ARHGAP35: variants seen among roughly 807,000 people sequenced by gnomAD.
The protein encoded by ARHGAP35 is rho GTPase-activating protein 35.
ARHGAP35 carries 15 observed loss-of-function variants against 111.1 expected under a neutral mutation model. That is an observed-to-expected ratio of 0.13 (90% CI 0.09 to 0.21). The LOEUF (loss-of-function observed/expected upper bound fraction) is 0.21. ARHGAP35 is among the 10% of genes least tolerant of loss of function. The pLI is 1.00. For missense variants in ARHGAP35, 1,262 were observed against 1,873.0 expected, an observed-to-expected ratio of 0.67 and a Z score of 6.02; for synonymous variants, 643 against 710.3, an observed-to-expected ratio of 0.91 and a Z score of 1.51.
chr19:46,937,119 C>T lies in ARHGAP35; in HGVS notation c.3682-145C>T, dbSNP rs1216633398. 4.9e-6 allele frequency: 5 copies of T among 1,020,330 alleles called. No homozygotes were observed. In the African/African-American group the frequency reaches 8.1e-5, roughly 17 times the overall value. 63.2% of individuals were successfully genotyped at this position (1,020,330 alleles called of 1,614,324 possible). The stretch of plus-strand genomic sequence containing the variant: ...CCTCCCAAAGTGCTGGGAATACAGG[C>T]ATGAGTCACCGTATCCAGCCACTTC... On this transcript the variant is annotated intron_variant, in intron 2 of 6. Coordinates refer to ENST00000672722, the MANE Select transcript of ARHGAP35 (RefSeq NM_004491.5).
intron 1 of ARHGAP35, among the ~76,000 whole-genome samples, chr19:46,896,877 A>G (rs899459471): frequency 2.6e-5 from 4 of 152,090 alleles, no homozygotes; most frequent in Non-Finnish European, 5.9e-5. Flanking sequence ...GCATTTATCT[A>G]CTGGGCATGT....
chr19:47,000,015 G>A lies in ARHGAP35; in HGVS notation c.4143-316G>A, dbSNP rs995331025. Among the ~76,000 whole-genome samples the A allele has an allele frequency of 4.6e-5, 7 of 152,166 alleles. No individual in the cohort carries two copies. Among genetic ancestry groups the A allele is most frequent in the Non-Finnish European group, 8.8e-5 (6 of 68,022 alleles). ...TTAGGACACTCAGCCTCCCTCCCTC[G>A]TCACAGCCGGAGCACCGCCACTGCT... On this transcript the variant is annotated intron_variant, in intron 6 of 6. Coordinates refer to ENST00000672722, the MANE Select transcript of ARHGAP35 (RefSeq NM_004491.5). This position sits in a 1 kb window ranked among gnomAD's most constrained non-coding sequence, Gnocchi z 6.9.
chr19:46,925,012 C>T (rs537670047), intron 2 of ARHGAP35, among the ~76,000 whole-genome samples: 3 of 152,304 alleles, frequency 2.0e-5, no homozygotes, highest in Non-Finnish European at 2.9e-5. Flanking sequence ...GTAATGAGCA[C>T]TTCCTAACCT....
intron 3 of ARHGAP35, among the ~76,000 whole-genome samples, chr19:46,940,379 T>C (rs2056339567): frequency 7.5e-6 from 1 of 132,566 alleles, no homozygotes; most frequent in African/African-American, 2.9e-5. Context: ...AAAAAAAAAA[T>C]TAGCTGGGCA....
At position 47,001,057 on chromosome 19, in the gene ARHGAP35, G is replaced by C. The variant is rs2056745833; in HGVS notation, c.*369G>C. On this transcript the variant is annotated 3_prime_UTR_variant, in exon 7 of 7. Coordinates refer to ENST00000672722, the MANE Select transcript of ARHGAP35 (RefSeq NM_004491.5). This position sits in a 1 kb window ranked among gnomAD's most constrained non-coding sequence, Gnocchi z 5.4. ...CGGGACAGTGCCCTGGCCTTTGCCG[G>C]GGAGGAGGATGCTCTGAGATTCAGG... The C allele has an allele frequency of 6.0e-6, 8 of 1,342,454 alleles. No individual in the cohort carries two copies. In the South Asian group the frequency reaches 1.1e-4, roughly 18 times the overall value. The allele number at this position is 1,342,454 out of a possible 1,614,324, so 83.2% of individuals were successfully genotyped here. A position where few individuals can be genotyped will look rare whatever the true frequency, so the allele number is the denominator to read the frequency against.
intron 1 of ARHGAP35, among the ~76,000 whole-genome samples, chr19:46,886,353 A>G (rs906785355): frequency 9.2e-5 from 14 of 152,166 alleles, no homozygotes; most frequent in Non-Finnish European, 1.9e-4. Flanking sequence ...TTAAATGGCC[A>G]AAGTAGTGCA....
chr19:46,981,521 C>T (rs2056620236), intron 3 of ARHGAP35, among the ~76,000 whole-genome samples: 1 of 152,254 alleles, frequency 6.6e-6, no homozygotes, highest in Non-Finnish European at 1.5e-5. Context: ...CGCTGGCCGA[C>T]AGCACTGCTG....
chr19:46,880,564 C>A (rs1040784914), intron 1 of ARHGAP35, among the ~76,000 whole-genome samples: 1 of 152,226 alleles, frequency 6.6e-6, no homozygotes, highest in Non-Finnish European at 1.5e-5. Flanking sequence ...TCAATGAAGT[C>A]TTGAACTTCT....
chr19:46,978,656 TG>T (rs1361431356), intron 3 of ARHGAP35, among the ~76,000 whole-genome samples: 153 of 67,216 alleles, frequency 2.3e-3, no homozygotes, highest in African/African-American at 9.0e-3. Context: ...GTGTGTGTGG[TG>T]GGTGTGTGTG....
Position 47,001,267 on chromosome 19 carries a change from A to C in ARHGAP35, c.*579A>C. 7.8e-7 allele frequency: 1 copy of C among 1,289,912 alleles called. No individual in the cohort carries two copies. Among genetic ancestry groups the C allele is most frequent in the South Asian group, 1.2e-5 (1 of 80,952 alleles). 79.9% of individuals were successfully genotyped at this position (1,289,912 alleles called of 1,614,324 possible). A position where few individuals can be genotyped will look rare whatever the true frequency, so the allele number is the denominator to read the frequency against. ...CTGGCTCTGCAGATCAGAACAACGG[A>C]GGATAGCTTTGTGCCTGGACCCAGA... On this transcript the variant is annotated 3_prime_UTR_variant, in exon 7 of 7. Coordinates refer to ENST00000672722, the MANE Select transcript of ARHGAP35 (RefSeq NM_004491.5). The surrounding 1 kb of genome is among the most constrained non-coding windows in gnomAD (Gnocchi z 5.4).
chr19:46,862,875 G>A (rs993101007), intron 1 of ARHGAP35, among the ~76,000 whole-genome samples: 2 of 151,806 alleles, frequency 1.3e-5, no homozygotes, highest in African/African-American at 4.8e-5. Context: ...TCTGCCTCTT[G>A]TCTTCTTTTG....
At chr19:46,870,853 A>G (rs1048212339) in intron 1 of ARHGAP35, among the ~76,000 whole-genome samples, 6 of 152,194 alleles carry the variant, frequency 3.9e-5, no homozygotes, top group African/African-American at 7.2e-5. Flanking sequence ...CTTAAAAAAA[A>G]ATAAGGTATA....
intron 1 of ARHGAP35, among the ~76,000 whole-genome samples, chr19:46,898,506 T>A (rs1328544158): frequency 6.6e-6 from 1 of 152,258 alleles, no homozygotes; most frequent in Non-Finnish European, 1.5e-5. Flanking sequence ...TTGCTAGTCC[T>A]CATTCCTTTG....
intron 3 of ARHGAP35, among the ~76,000 whole-genome samples, chr19:46,941,866 C>T (rs1194837648): frequency 2.4e-5 from 3 of 126,676 alleles, no homozygotes; most frequent in Admixed American, 8.6e-5. Flanking sequence ...AGCCAGAGAC[C>T]CTGTCTCTTT....
chr19:46,867,898 G>A (rs1007583299), intron 1 of ARHGAP35, among the ~76,000 whole-genome samples: 7 of 151,884 alleles, frequency 4.6e-5, no homozygotes, highest in Admixed American at 2.6e-4. Context: ...ACAGAGTCTC[G>A]CTCTATCGCC....
intron 1 of ARHGAP35, among the ~76,000 whole-genome samples, chr19:46,863,670 C>T (rs2055841028): frequency 6.6e-6 from 1 of 152,048 alleles, no homozygotes; most frequent in African/African-American, 2.4e-5. Context: ...TCGCCCCTCC[C>T]CCCCAGCTAA....
chr19:46,975,240 CTG>C (rs1475708804), intron 3 of ARHGAP35, among the ~76,000 whole-genome samples: 3 of 152,176 alleles, frequency 2.0e-5, no homozygotes, highest in Non-Finnish European at 4.4e-5. Context: ...TTGGGGAACT[CTG>C]TGCTAGGAGC....
At chr19:46,895,917 A>G (rs978493607) in intron 1 of ARHGAP35, among the ~76,000 whole-genome samples, 1 of 152,076 alleles carries the variant, frequency 6.6e-6, no homozygotes, top group Non-Finnish European at 1.5e-5. Flanking sequence ...AGCCTGGCCA[A>G]CATGGTGAAA....
Position 47,003,755 on chromosome 19 carries a change from G to A in ARHGAP35, c.*3067G>A, listed in dbSNP as rs1404467599. Reference sequence around the variant, plus strand: ...TGCAGGATGTGTCTGTCTTTGTCACGGTGGACAGAGGGTGACATCATAGGA... The same window carrying A: ...TGCAGGATGTGTCTGTCTTTGTCACAGTGGACAGAGGGTGACATCATAGGA... On this transcript the variant is annotated 3_prime_UTR_variant, in exon 7 of 7. Coordinates refer to ENST00000672722, the MANE Select transcript of ARHGAP35 (RefSeq NM_004491.5). The A allele has an allele frequency of 1.3e-5, 2 of 152,274 alleles. No individual in the cohort carries two copies. The highest frequency in any genetic ancestry group is 2.1e-4 in the South Asian group (1 of 4,824). The allele number at this position is 152,274 out of a possible 1,614,324, so 9.4% of individuals were successfully genotyped here. A position where few individuals can be genotyped will look rare whatever the true frequency, so the allele number is the denominator to read the frequency against.
Sources: allele counts gnomAD v4.1 joint callset (sites outside exome capture counted in the v4.1 genomes callset), GRCh38; gene constraint gnomAD v4.1.1; non-coding constraint Gnocchi (gnomAD v3.1); transcripts MANE v1.5; gene names NCBI Gene and HGNC (gene_info 2026-07-23, HGNC 2026-07-21).